Variants in ADAM9 observed in about 807,000 individuals in gnomAD.
ADAM9 encodes the protein disintegrin and metalloproteinase domain-containing protein 9.
ADAM9 carries 54 observed loss-of-function variants against 108.1 expected under a neutral mutation model. That is an observed-to-expected ratio of 0.50 (90% CI 0.40 to 0.63). The LOEUF is 0.63. Among genes scored for constraint, ADAM9 ranks in the 20% least tolerant of loss-of-function variants. ADAM9 has a pLI of 0.00. For synonymous variants in ADAM9, 316 were observed against 336.0 expected (o/e 0.94, Z 0.65); for missense variants, 830 against 997.7 (o/e 0.83, Z 2.26).
At chr8:39,091,767 A>C (rs1839363477) in intron 20 of ADAM9, among the ~76,000 whole-genome samples, 1 of 152,292 alleles carries the variant, frequency 6.6e-6, no homozygotes, top group South Asian at 2.1e-4. Context: ...GATTACAGGT[A>C]TGAGCCACTG....
chr8:38,997,296 A>T, intron 1 of ADAM9, 136 bp downstream of exon 1: 2 of 1,040,464 alleles, frequency 1.9e-6, no homozygotes, highest in Non-Finnish European at 1.4e-6. Flanking sequence ...CGGCCGCTCC[A>T]GGTGTGTGCG....
chr8:39,029,311 G>A (rs1240218827), intron 11 of ADAM9, among the ~76,000 whole-genome samples: 1 of 152,062 alleles, frequency 6.6e-6, no homozygotes, highest in Non-Finnish European at 1.5e-5. Context: ...ATAACATGAG[G>A]TAGAGGGACA....
intron 14 of ADAM9, among the ~76,000 whole-genome samples, chr8:39,057,308 C>T (rs1326539719): frequency 6.7e-6 from 1 of 150,158 alleles, no homozygotes; most frequent in Non-Finnish European, 1.5e-5. Context: ...TATATATAAT[C>T]TGGAGGAATT....
At position 39,017,401 on chromosome 8, in the gene ADAM9, C is replaced by G; in HGVS notation, c.593C>G (p.Thr198Ser). 1 of 1,613,998 alleles carries G rather than the reference C, an allele frequency of 6.2e-7. No homozygotes were observed. Among genetic ancestry groups the G allele is most frequent in the Non-Finnish European group, 8.5e-7 (1 of 1,179,924 alleles). Residue 198 changes from threonine (T) to serine (S), a missense_variant, in exon 6 of 22, where the codon ACT becomes AGT. Coordinates refer to ENST00000487273, the MANE Select transcript of ADAM9 (RefSeq NM_003816.3). Reference sequence around the variant, plus strand: ...GAAGAGGAAGAGCCTCCCAGCATGACTCAGCTACTTCGAGTAAGGAAATAA... The same window carrying G: ...GAAGAGGAAGAGCCTCCCAGCATGAGTCAGCTACTTCGAGTAAGGAAATAA... ...KDEEEEPPSM[T>S]QLLRRRRAVL...
At chr8:39,045,215 C>T (rs1837650560) in intron 12 of ADAM9, among the ~76,000 whole-genome samples, 1 of 139,570 alleles carries the variant, frequency 7.2e-6, no homozygotes, top group African/African-American at 2.6e-5. Context: ...TATGTGTATA[C>T]ATACATATAT....
chr8:39,008,551 C>G (rs1373702229), intron 2 of ADAM9, among the ~76,000 whole-genome samples: 3 of 152,088 alleles, frequency 2.0e-5, no homozygotes, highest in African/African-American at 7.2e-5. Flanking sequence ...AATTGTATCA[C>G]TAGGGTAGGC....
chr8:39,093,723 C>T (rs144062360), intron 20 of ADAM9, among the ~76,000 whole-genome samples: 127 of 152,188 alleles, frequency 8.3e-4, no homozygotes, highest in African/African-American at 3.0e-3. Context: ...TAGCTGTGGG[C>T]GTGTGATGTA....
intron 11 of ADAM9, among the ~76,000 whole-genome samples, chr8:39,027,175 T>C (rs1359696251): frequency 1.3e-5 from 2 of 152,164 alleles, no homozygotes; most frequent in East Asian, 3.8e-4. Context: ...GAATTAGAAA[T>C]TAAGAGGGAG....
chr8:39,075,119 C>G (rs1838814017), intron 15 of ADAM9, among the ~76,000 whole-genome samples: 1 of 151,998 alleles, frequency 6.6e-6, no homozygotes, highest in Non-Finnish European at 1.5e-5. Context: ...GTTGGCCAGG[C>G]TGGTCTCAAA....
rs1233158600 is a variant in ADAM9, at chr8:39,042,127, A to G, written c.1302+10A>G. On this transcript the variant is annotated intron_variant, in intron 12 of 21. Coordinates refer to ENST00000487273, the MANE Select transcript of ADAM9 (RefSeq NM_003816.3). ...CTGTGGTACTCCAAAGGTCAGTTTA[A>G]TTTTTGACTTTTGCCTTGTAAAATT... 2 of 1,613,788 alleles carry G rather than the reference A, an allele frequency of 1.2e-6. No individual in the cohort carries two copies. The highest frequency in any genetic ancestry group is 1.7e-5 in the Admixed American group (1 of 59,996).
At chr8:39,057,512 G>A (rs2129439124) in intron 14 of ADAM9, among the ~76,000 whole-genome samples, 1 of 152,140 alleles carries the variant, frequency 6.6e-6, no homozygotes, top group East Asian at 1.9e-4. Flanking sequence ...TGTGGAAGCT[G>A]CTAAGTGTCA....
At chr8:39,065,412 T>C (rs955657315) in intron 14 of ADAM9, among the ~76,000 whole-genome samples, 1 of 151,914 alleles carries the variant, frequency 6.6e-6, no homozygotes, top group Non-Finnish European at 1.5e-5. Context: ...CCCAGCTCTT[T>C]GGGAGGCTGA....
At chr8:39,085,167 TTTAAC>T (rs1189974476) in intron 18 of ADAM9, among the ~76,000 whole-genome samples, 3 of 152,146 alleles carry the variant, frequency 2.0e-5, no homozygotes, top group African/African-American at 7.2e-5. Flanking sequence ...ATAATTTATA[TTTAAC>T]TTGACTATTG....
intron 16 of ADAM9, among the ~76,000 whole-genome samples, chr8:39,081,002 G>A (rs1839006477): frequency 6.9e-6 from 1 of 144,698 alleles, no homozygotes; most frequent in Non-Finnish European, 1.5e-5. Flanking sequence ...CCAGGCTGGA[G>A]TGCAGTAGAG....
intron 13 of ADAM9, 91 bp downstream of exon 13, chr8:39,054,664 A>G: frequency 9.0e-7 from 1 of 1,110,384 alleles, no homozygotes; most frequent in Non-Finnish European, 1.3e-6. Flanking sequence ...GAGATTTCTG[A>G]GTCAGCACTA....
intron 12 of ADAM9, among the ~76,000 whole-genome samples, chr8:39,051,927 A>C (rs1258459590): frequency 6.6e-6 from 1 of 152,206 alleles, no homozygotes; most frequent in South Asian, 2.1e-4. Context: ...ATGTGTATAT[A>C]TACAAACATA....
At chr8:39,038,772 A>G (rs1837363432) in intron 11 of ADAM9, among the ~76,000 whole-genome samples, 1 of 152,238 alleles carries the variant, frequency 6.6e-6, no homozygotes, top group South Asian at 2.1e-4. Flanking sequence ...AGCAAGAAAA[A>G]GAATAAGGAA....
chr8:39,082,379 C>T (rs1198822730), intron 16 of ADAM9, among the ~76,000 whole-genome samples: 2 of 152,054 alleles, frequency 1.3e-5, no homozygotes, highest in African/African-American at 4.8e-5. Flanking sequence ...CATCAATATT[C>T]ACATGGAAGG....
rs376934408 is a variant in ADAM9, at chr8:38,997,023, A to C, written c.-41A>C. 1.6e-4 allele frequency: 250 copies of C among 1,596,176 alleles called. 1 individual carries two copies. Among genetic ancestry groups the C allele is most frequent in the Non-Finnish European group, 2.0e-4 (234 of 1,176,366 alleles). ...AAAATGATGGAAGAGGCGGAGGTGG[A>C]GGCGACCGAGTGCTGAGAGGAACCT... On this transcript the variant is annotated 5_prime_UTR_variant, in exon 1 of 22. Coordinates refer to ENST00000487273, the MANE Select transcript of ADAM9 (RefSeq NM_003816.3).
Sources: gnomAD v4.1 joint callset for allele counts (sites outside exome capture counted in the v4.1 genomes callset) on GRCh38, gnomAD v4.1.1 for gene constraint, MANE v1.5 for transcripts, NCBI Gene and HGNC (gene_info 2026-07-23, HGNC 2026-07-21) for gene names.